The following TET3 variants were observed in gnomAD, a reference collection of about 807,000 sequenced individuals.
TET3 encodes the protein tet methylcytosine dioxygenase 3, also known as methylcytosine dioxygenase TET3.
In TET3, 19 loss-of-function variants were observed where a neutral mutation model predicts 141.4. That is an observed-to-expected ratio of 0.13 (90% CI 0.09 to 0.20). The LOEUF (loss-of-function observed/expected upper bound fraction) is 0.20, where lower values mean the gene tolerates loss of function less well. Ranked by LOEUF, TET3 falls within the 10% of genes least tolerant of loss-of-function variation. TET3 has a pLI of 1.00. For missense variants in TET3, 1,874 were observed against 2,356.9 expected (o/e 0.80, Z 4.24); for synonymous variants, 1,043 against 980.9 (o/e 1.06, Z -1.18).
chr2:74,017,433 C>T (rs1318581582), intron 3 of TET3, among the ~76,000 whole-genome samples: 1 of 152,176 alleles, frequency 6.6e-6, no homozygotes, highest in Admixed American at 6.5e-5. Flanking sequence ...CTGTTCTTCT[C>T]TCTGTTTCTA....
intron 3 of TET3, among the ~76,000 whole-genome samples, chr2:74,026,076 G>A (rs556829991): frequency 2.5e-4 from 38 of 152,344 alleles, no homozygotes; most frequent in African/African-American, 8.9e-4. Context: ...GCAGGGCCCA[G>A]CTCCCCAGGA....
chr2:74,101,232 C>G lies in TET3; in HGVS notation c.4444C>G (p.Pro1482Ala). 2 of 1,612,934 alleles carry G rather than the reference C, an allele frequency of 1.2e-6. No individual in the cohort carries two copies. Among genetic ancestry groups the G allele is most frequent in the Middle Eastern group, 1.7e-4 (1 of 6,060 alleles). Residue 1482 changes from proline (P) to alanine (A), a missense_variant, in exon 12 of 12, where the codon CCT becomes GCT. Transcript: ENST00000409262. The surrounding 1 kb of genome is among the most constrained non-coding windows in gnomAD (Gnocchi z 8.5). Reference protein sequence around the residue: ...LSSFGASCLAPSHFTDGQWGL... With the variant: ...LSSFGASCLAASHFTDGQWGL... ...TTCCTTTGGGGCCAGCTGCCTGGCCCCTTCCCACTTCACAGATGGCCAGTG... is the reference window on the plus strand; with the variant it reads ...TTCCTTTGGGGCCAGCTGCCTGGCCGCTTCCCACTTCACAGATGGCCAGTG...
Position 74,061,818 on chromosome 2 carries a change from C to T in TET3, c.2495-11731C>T, listed in dbSNP as rs1249025207. ...GTAGAGGCGCTCCTCACATCTCAGACGATGGGCGGCCGGGCAGAGACGCTC... is the reference window on the plus strand; with the variant it reads ...GTAGAGGCGCTCCTCACATCTCAGATGATGGGCGGCCGGGCAGAGACGCTC... On this transcript the variant is annotated intron_variant, in intron 4 of 11. Transcript: ENST00000409262. 2.1e-4 allele frequency among the ~76,000 whole-genome samples: 24 copies of T among 115,112 alleles called. 3 individuals carry two copies. The highest frequency in any genetic ancestry group is 3.0e-4 in the Non-Finnish European group (17 of 57,050). The allele number at this position is 115,112 out of a possible 152,430, so 75.5% of individuals were successfully genotyped here.
intron 4 of TET3, among the ~76,000 whole-genome samples, chr2:74,058,215 A>T (rs1688314814): frequency 6.6e-6 from 1 of 152,178 alleles, no homozygotes; most frequent in Non-Finnish European, 1.5e-5. Context: ...TTGAAAGTTC[A>T]CCCCAAAACG....
the TET3 span, among the ~76,000 whole-genome samples, chr2:74,123,902 C>T: frequency 6.6e-6 from 1 of 151,892 alleles, no homozygotes. Context: ...GCGCCTCTGC[C>T]AGGCCGCGAC....
chr2:74,016,611 A>C (rs189465651), intron 3 of TET3, among the ~76,000 whole-genome samples: 19 of 152,098 alleles, frequency 1.2e-4, no homozygotes, highest in African/African-American at 4.1e-4. Context: ...AGTTCCAGCT[A>C]TTTGGGAGGC....
At chr2:74,002,644 C>A (rs985482334) in intron 2 of TET3, 4 of 373,456 alleles carry the variant, frequency 1.1e-5, no homozygotes, top group African/African-American at 2.1e-5. Context: ...GATTGGCTGG[C>A]GAGCGCGCCG....
At chr2:74,119,194 A>T in the TET3 span, among the ~76,000 whole-genome samples, 1 of 152,048 alleles carries the variant, frequency 6.6e-6, no homozygotes, top group African/African-American at 2.4e-5. Flanking sequence ...CTCTACTAAA[A>T]ATCCAAAAAT....
chr2:74,066,291 TC>T (rs1688894896), intron 4 of TET3, among the ~76,000 whole-genome samples: 1 of 152,196 alleles, frequency 6.6e-6, no homozygotes, highest in Non-Finnish European at 1.5e-5. Context: ...AGTTCCTAGC[TC>T]AGGATCCTTT....
intron 3 of TET3, among the ~76,000 whole-genome samples, chr2:74,034,345 A>G (rs1332706041): frequency 2.6e-5 from 4 of 151,916 alleles, no homozygotes; most frequent in African/African-American, 9.7e-5. Context: ...CAGTTCCCCA[A>G]GTTAGCTGGA....
chr2:74,131,138 G>A, the TET3 span, among the ~76,000 whole-genome samples: 4 of 152,202 alleles, frequency 2.6e-5, no homozygotes, highest in African/African-American at 9.6e-5. Context: ...CAGGGACCCA[G>A]GAAGGGATAT....
intron 3 of TET3, among the ~76,000 whole-genome samples, chr2:74,042,254 A>G (rs1687379110): frequency 6.6e-6 from 1 of 152,256 alleles, no homozygotes; most frequent in South Asian, 2.1e-4. Context: ...TCAAAGGCCT[A>G]CAGGGGGTTG....
chr2:74,014,553 AT>A (rs1044262051), intron 3 of TET3, among the ~76,000 whole-genome samples: 1 of 151,538 alleles, frequency 6.6e-6, no homozygotes, highest in Admixed American at 6.6e-5. Flanking sequence ...GACCTGTGGA[AT>A]TTTTTTTTCT....
chr2:74,064,471 C>G (rs1312843910), intron 4 of TET3, among the ~76,000 whole-genome samples: 1 of 152,196 alleles, frequency 6.6e-6, no homozygotes, highest in Non-Finnish European at 1.5e-5. Flanking sequence ...GTGATTCCCA[C>G]TCACTACAAC....
chr2:74,078,957 G>A (rs527659922), intron 5 of TET3, among the ~76,000 whole-genome samples: 8 of 152,286 alleles, frequency 5.3e-5, no homozygotes, highest in Admixed American at 4.6e-4. Context: ...GAAATCTGTC[G>A]CTTTCCCAAA....
At position 74,100,645 on chromosome 2, in the gene TET3, A is replaced by T; in HGVS notation, c.3857A>T (p.Tyr1286Phe). The T allele has an allele frequency of 6.2e-7, 1 of 1,614,028 alleles. No individual in the cohort carries two copies. The highest frequency in any genetic ancestry group is 2.2e-5 in the East Asian group (1 of 44,874). ...AAGTACGCTCTCCCGTCTTTTAGCT[A>T]CTATGGCTTTCCATCCAGCAACCCC... ...HSKYALPSFS[Y>F]YGFPSSNPVF... Residue 1286 changes from tyrosine (Y) to phenylalanine (F), a missense_variant, in exon 12 of 12, where the codon TAC (tyrosine) becomes TTC (phenylalanine). Physicochemically the swap from Tyr to Phe is conservative, Grantham distance 22 (BLOSUM62 3). This residue lies in a region of TET3 where 602 missense variants were observed against 590.2 expected (regional missense o/e 1.02). Transcript: ENST00000409262.
At chr2:74,025,078 G>A (rs1302867559) in intron 3 of TET3, among the ~76,000 whole-genome samples, 1 of 151,444 alleles carries the variant, frequency 6.6e-6, no homozygotes, top group African/African-American at 2.4e-5. Flanking sequence ...AAAAAAGTTA[G>A]CCGGGCGTGG....
intron 4 of TET3, among the ~76,000 whole-genome samples, chr2:74,066,859 G>A (rs2103884500): frequency 6.6e-6 from 1 of 152,170 alleles, no homozygotes; most frequent in East Asian, 1.9e-4. Context: ...TTGAGTTTTT[G>A]TGACTTAGGG....
chr2:74,095,790 C>A (rs1329034699), intron 10 of TET3, among the ~76,000 whole-genome samples: 1 of 152,236 alleles, frequency 6.6e-6, no homozygotes, highest in African/African-American at 2.4e-5. Flanking sequence ...CTTCTGTAAA[C>A]CACAGGGAGA....
Sources: allele counts gnomAD v4.1 joint callset (sites outside exome capture counted in the v4.1 genomes callset), GRCh38; gene constraint gnomAD v4.1.1; regional missense constraint gnomAD v4.1.1; non-coding constraint Gnocchi (gnomAD v3.1); transcripts MANE v1.5; gene names NCBI Gene and HGNC (gene_info 2026-07-23, HGNC 2026-07-21).